Variants in GADL1 observed in about 807,000 individuals in gnomAD.
The protein encoded by GADL1 is GAD like acidic amino acid decarboxylase 1, also known as acidic amino acid decarboxylase GADL1.
A neutral mutation model predicts 69.5 loss-of-function variants in GADL1; 71 were observed. The observed-to-expected ratio is 1.02, with a 90% CI of 0.84 to 1.25. The LOEUF is 1.25. Ranked by LOEUF, GADL1 falls within the 50% of genes most tolerant of loss-of-function variation. The probability of loss-of-function intolerance (pLI) is 0.00; values close to 1 mark genes in which losing one functional copy is unlikely to be tolerated. For synonymous variants in GADL1, 254 were observed against 214.4 expected (o/e 1.18, Z -1.62); for missense variants, 737 against 631.8 (o/e 1.17, Z -1.79).
Position 30,875,493 on chromosome 3 carries a change from T to C in GADL1, c.38-13728A>G, listed in dbSNP as rs1180881733. ...AGACAAGACTGTTCAGTTATGTTCT[T>C]GGTCCAGAGACCCCTAAACTAAAAA... On this transcript the variant is annotated intron_variant, in intron 1 of 14. Coordinates refer to ENST00000282538, the MANE Select transcript of GADL1 (RefSeq NM_207359.3). Among the ~76,000 whole-genome samples the C allele has an allele frequency of 2.0e-5, 3 of 152,012 alleles. No homozygotes were observed. In the East Asian group the frequency reaches 5.8e-4, roughly 30 times the overall value.
chr3:30,755,166 A>G (rs1695938268), intron 14 of GADL1, among the ~76,000 whole-genome samples: 2 of 152,186 alleles, frequency 1.3e-5, no homozygotes, highest in African/African-American at 2.4e-5. Context: ...ACCTCCCACC[A>G]CAAAAACTAA....
At chr3:30,773,330 T>G (rs967877674) in intron 14 of GADL1, among the ~76,000 whole-genome samples, 1 of 152,192 alleles carries the variant, frequency 6.6e-6, no homozygotes, top group Non-Finnish European at 1.5e-5. Context: ...CCTGGATAAC[T>G]TTTTGTCTAG....
chr3:30,856,973 T>C, intron 3 of GADL1, 42 bp downstream of exon 3: 1 of 1,509,896 alleles, frequency 6.6e-7, no homozygotes. Context: ...ACATAAGAAC[T>C]TGTCAGAGGT....
chr3:30,737,029 G>C (rs1695550160), intron 14 of GADL1, among the ~76,000 whole-genome samples: 1 of 152,108 alleles, frequency 6.6e-6, no homozygotes, highest in Non-Finnish European at 1.5e-5. Flanking sequence ...TGTCACTTAT[G>C]TCTTTATCAA....
intron 14 of GADL1, among the ~76,000 whole-genome samples, chr3:30,774,847 A>C (rs1559496141): frequency 6.6e-6 from 1 of 152,118 alleles, no homozygotes; most frequent in Non-Finnish European, 1.5e-5. Flanking sequence ...AGGGAACAGG[A>C]AGCAAGTCAG....
At chr3:30,786,204 GTAAAT>G in intron 13 of GADL1, 146 bp downstream of exon 13, 1 of 650,482 alleles carries the variant, frequency 1.5e-6, no homozygotes, top group Non-Finnish European at 2.7e-6. Context: ...CACTAATAGA[GTAAAT>G]TAACATAATA....
intron 14 of GADL1, among the ~76,000 whole-genome samples, chr3:30,767,522 A>G (rs572554110): frequency 1.8e-4 from 27 of 152,320 alleles, no homozygotes; most frequent in African/African-American, 6.5e-4. Flanking sequence ...GAAAAACTTG[A>G]TAATACTTTG....
At chr3:30,837,281 C>T (rs989561147) in intron 9 of GADL1, among the ~76,000 whole-genome samples, 5 of 151,962 alleles carry the variant, frequency 3.3e-5, no homozygotes, top group African/African-American at 4.8e-5. Context: ...GAAGTTTCTT[C>T]AAGATAAGCT....
intron 8 of GADL1, among the ~76,000 whole-genome samples, chr3:30,840,571 C>A (rs1697949380): frequency 6.6e-6 from 1 of 152,192 alleles, no homozygotes; most frequent in Admixed American, 6.5e-5. Flanking sequence ...TCATTAAAAT[C>A]ATTAAAAGCA....
Position 30,850,112 on chromosome 3 carries a change from C to T in GADL1, c.536-1G>A. The T allele has an allele frequency of 6.6e-7, 1 of 1,521,660 alleles. No individual in the cohort carries two copies. Among genetic ancestry groups the T allele is most frequent in the Non-Finnish European group, 9.1e-7 (1 of 1,097,344 alleles). 94.3% of individuals were successfully genotyped at this position (1,521,660 alleles called of 1,614,324 possible). A position where few individuals can be genotyped will look rare whatever the true frequency, so the allele number is the denominator to read the frequency against. On this transcript the variant is annotated splice_acceptor_variant, in intron 5 of 14. Coordinates refer to ENST00000282538, the MANE Select transcript of GADL1 (RefSeq NM_207359.3). LOFTEE classifies it high-confidence loss of function. ...GCATACATATTGGACACTGAGCCAC[C>T]TGCAAAAACAAAATTAAAATGGCAT...
intron 4 of GADL1, among the ~76,000 whole-genome samples, chr3:30,853,997 A>ATC (rs575630262): frequency 1.3e-5 from 2 of 151,220 alleles, no homozygotes; most frequent in African/African-American, 4.9e-5. Flanking sequence ...TCTGGCTTCT[A>ATC]TCTCTCTCTC....
At chr3:30,859,688 TGAA>T (rs1270884882) in intron 2 of GADL1, among the ~76,000 whole-genome samples, 2 of 151,976 alleles carry the variant, frequency 1.3e-5, no homozygotes, top group African/African-American at 4.8e-5. Context: ...AACTGGCTGA[TGAA>T]GAATTTTCTG....
chr3:30,762,564 C>A (rs1696164067), intron 14 of GADL1, among the ~76,000 whole-genome samples: 1 of 152,102 alleles, frequency 6.6e-6, no homozygotes, highest in African/African-American at 2.4e-5. Flanking sequence ...CTGAAATAAG[C>A]ACATCATGAA....
chr3:30,797,551 G>T (rs1697063737), intron 12 of GADL1: 1 of 152,202 alleles, frequency 6.6e-6, no homozygotes, highest in African/African-American at 2.4e-5. Flanking sequence ...AAACTGAGGT[G>T]CAGAGAGACT....
chr3:30,856,573 T>C (rs1283974746), intron 3 of GADL1, among the ~76,000 whole-genome samples: 1 of 152,088 alleles, frequency 6.6e-6, no homozygotes, highest in African/African-American at 2.4e-5. Flanking sequence ...TTAATCAGTG[T>C]CTTCCAAATA....
chr3:30,778,602 T>A, intron 13 of GADL1: 1 of 190,408 alleles, frequency 5.3e-6, no homozygotes, highest in Non-Finnish European at 1.1e-5. Context: ...GGATCCTCTC[T>A]CTCCAACACT....
intron 2 of GADL1, among the ~76,000 whole-genome samples, chr3:30,860,120 C>A (rs1289991212): frequency 2.0e-5 from 3 of 151,812 alleles, no homozygotes; most frequent in Admixed American, 2.0e-4. Flanking sequence ...TGCCACTGCC[C>A]CCCAAAATTC....
chr3:30,879,981 T>C (rs989409496), intron 1 of GADL1, among the ~76,000 whole-genome samples: 2 of 151,864 alleles, frequency 1.3e-5, no homozygotes, highest in African/African-American at 4.8e-5. Context: ...TGCATTCTAC[T>C]TACAAAGATC....
chr3:30,772,046 C>T (rs545554848), intron 14 of GADL1, among the ~76,000 whole-genome samples: 10 of 152,194 alleles, frequency 6.6e-5, no homozygotes, highest in Non-Finnish European at 8.8e-5. Flanking sequence ...TCACCCTACT[C>T]AGATTATGCA....
Sources: allele counts gnomAD v4.1 joint callset (sites outside exome capture counted in the v4.1 genomes callset), GRCh38; gene constraint gnomAD v4.1.1; transcripts MANE v1.5; gene names NCBI Gene and HGNC (gene_info 2026-07-23, HGNC 2026-07-21).